FEZ2: variants seen among roughly 807,000 people sequenced by gnomAD.
The protein encoded by FEZ2 is fasciculation and elongation protein zeta 2, also known as fasciculation and elongation protein zeta-2.
Under a neutral mutation model 40.4 loss-of-function variants are expected in FEZ2, and 51 were observed. The observed-to-expected ratio is 1.26, with a 90% confidence interval of 1.01 to 1.59. The LOEUF is 1.59. Among genes scored for constraint, FEZ2 ranks in the 40% most tolerant of loss-of-function variants. FEZ2 has a pLI of 0.00. For synonymous variants in FEZ2, 242 were observed against 172.0 expected (o/e 1.41, Z -3.18); for missense variants, 640 against 438.3 (o/e 1.46, Z -4.11).
intron 1 of FEZ2, 167 bp from the exon 2 acceptor site, chr2:36,591,178 AC>A (rs144482238): frequency 0.026 from 15,365 of 599,816 alleles, 315 homozygotes; most frequent in South Asian, 0.074. Context: ...CTAAACAAAA[AC>A]GAGGTGAAAA....
intron 4 of FEZ2, among the ~76,000 whole-genome samples, chr2:36,580,733 T>G: frequency 6.6e-6 from 1 of 152,190 alleles, no homozygotes; most frequent in Non-Finnish European, 1.5e-5. Flanking sequence ...TCCCCAAAAT[T>G]CATGTGTTGA....
At chr2:36,554,554 T>TA (rs199946520) in intron 7 of FEZ2, among the ~76,000 whole-genome samples, 62 of 151,480 alleles carry the variant, frequency 4.1e-4, no homozygotes, top group African/African-American at 1.3e-3. Flanking sequence ...TGTCAGGTAT[T>TA]AAAAAAAAAA....
At chr2:36,597,841 G>A (rs922453255) in intron 1 of FEZ2, 36 bp downstream of exon 1, 70 of 1,318,510 alleles carry the variant, frequency 5.3e-5, no homozygotes, top group Non-Finnish European at 6.6e-5. Context: ...GGTAGGGGAG[G>A]CTCCCGCCCA....
chr2:36,577,826 T>G (rs879365503), intron 5 of FEZ2, among the ~76,000 whole-genome samples: 1 of 152,228 alleles, frequency 6.6e-6, no homozygotes, highest in South Asian at 2.1e-4. Context: ...ATAGCTAGTT[T>G]GTGATTTGTA....
At chr2:36,573,398 C>T (rs1165186211) in intron 5 of FEZ2, among the ~76,000 whole-genome samples, 1 of 152,216 alleles carries the variant, frequency 6.6e-6, no homozygotes, top group Non-Finnish European at 1.5e-5. Flanking sequence ...TTCTTGTATT[C>T]ATGAGAACTG....
Position 36,590,985 on chromosome 2 carries a change from T to C in FEZ2, c.293A>G (p.Tyr98Cys), listed in dbSNP as rs1669055907. ...CCAGTCTACAGGCATCACATTCCCA[T>C]AATTATCTGTCAGGGCATTCCAAAT... is the stretch of plus-strand genomic sequence containing the variant. ...DEIWNALTDN[Y>C]GNVMPVDWKS... Residue 98 changes from tyrosine to cysteine, a missense_variant, in exon 2 of 8, where the codon TAT becomes TGT. Physicochemically the swap from Tyr to Cys is radical, Grantham distance 194 (BLOSUM62 -2). Transcript: ENST00000405912. 6.2e-7 allele frequency: 1 copy of C among 1,610,658 alleles called. No homozygotes were observed. The highest frequency in any genetic ancestry group is 8.5e-7 in the Non-Finnish European group (1 of 1,176,814).
At chr2:36,585,333 CA>C (rs1668871563) in intron 2 of FEZ2, among the ~76,000 whole-genome samples, 1 of 151,968 alleles carries the variant, frequency 6.6e-6, no homozygotes, top group Admixed American at 6.6e-5. Flanking sequence ...AAAAAGCTAC[CA>C]GGAGGAAAAT....
In FEZ2 at chr2:36,552,734, T is replaced by A. The variant is rs1353522578; in HGVS notation, c.*429A>T. ...CAATACTGGTAGGTAATAGTTACAC[T>A]GACAATTCTCACAAAAAAACAGTGT... On this transcript the variant is annotated 3_prime_UTR_variant, in exon 8 of 8. Coordinates refer to ENST00000405912, the MANE Select transcript of FEZ2 (RefSeq NM_005102.3). The A allele has an allele frequency of 5.2e-6, 1 of 191,754 alleles. No homozygotes were observed. Among genetic ancestry groups the A allele is most frequent in the African/African-American group, 2.4e-5 (1 of 42,158 alleles). 11.9% of individuals were successfully genotyped at this position (191,754 alleles called of 1,614,324 possible).
rs747380385 is a variant in FEZ2, at chr2:36,590,924, A to G, written c.354T>C (p.Thr118=). ...SSHTRTLHLL[T]LNLSEKGVSD... is the part of the protein sequence containing the mutation. ...TTACCCCTTTTTCTGAGAGGTTCAGAGTAAGCAAGTGCAAGGTCCTAGTAT... is the reference window on the plus strand; with the variant it reads ...TTACCCCTTTTTCTGAGAGGTTCAGGGTAAGCAAGTGCAAGGTCCTAGTAT... Residue 118 remains threonine, a synonymous_variant, in exon 2 of 8, where the codon ACT becomes ACC. Transcript: ENST00000405912. 20 of 1,606,634 alleles carry G rather than the reference A, an allele frequency of 1.2e-5. No homozygotes were observed. The highest frequency in any genetic ancestry group is 1.7e-5 in the Admixed American group (1 of 60,002).
At chr2:36,566,848 T>G (rs1010609906) in intron 5 of FEZ2, among the ~76,000 whole-genome samples, 1 of 152,206 alleles carries the variant, frequency 6.6e-6, no homozygotes, top group Non-Finnish European at 1.5e-5. Flanking sequence ...CATATTAACT[T>G]TAAACGTCTT....
At chr2:36,570,865 C>T (rs1009245492) in intron 5 of FEZ2, among the ~76,000 whole-genome samples, 1 of 152,062 alleles carries the variant, frequency 6.6e-6, no homozygotes, top group Non-Finnish European at 1.5e-5. Flanking sequence ...CATGACTGAC[C>T]GAAATATCAC....
At chr2:36,567,078 G>T (rs1017531368) in intron 5 of FEZ2, among the ~76,000 whole-genome samples, 1 of 152,152 alleles carries the variant, frequency 6.6e-6, no homozygotes, top group Non-Finnish European at 1.5e-5. Flanking sequence ...ACTACATTCT[G>T]AAGGGAGAGA....
intron 7 of FEZ2, among the ~76,000 whole-genome samples, chr2:36,553,633 AT>A (rs1190012405): frequency 1.3e-5 from 2 of 152,182 alleles, no homozygotes; most frequent in South Asian, 2.1e-4. Flanking sequence ...CAGTGGGGTC[AT>A]TAGGCAGGTG....
At chr2:36,579,666 T>C (rs977003517) in intron 4 of FEZ2, among the ~76,000 whole-genome samples, 3 of 152,160 alleles carry the variant, frequency 2.0e-5, no homozygotes, top group Admixed American at 6.5e-5. Context: ...CCAGGCTTCC[T>C]GTATAGCCTG....
At chr2:36,569,065 A>G (rs1434229213) in intron 5 of FEZ2, among the ~76,000 whole-genome samples, 1 of 152,172 alleles carries the variant, frequency 6.6e-6, no homozygotes, top group Non-Finnish European at 1.5e-5. Context: ...ATTCCAATGC[A>G]TGCTGGTTCT....
At chr2:36,574,889 T>C (rs1304144305) in intron 5 of FEZ2, among the ~76,000 whole-genome samples, 1 of 152,126 alleles carries the variant, frequency 6.6e-6, no homozygotes, top group African/African-American at 2.4e-5. Context: ...CTCTCTTGAG[T>C]TGCACTTCCC....
intron 5 of FEZ2, among the ~76,000 whole-genome samples, chr2:36,571,971 C>T (rs1247423969): frequency 6.9e-5 from 10 of 144,362 alleles, no homozygotes; most frequent in East Asian, 6.0e-4. Flanking sequence ...GCCGAGATCG[C>T]GCCCCTGCAC....
chr2:36,593,310 C>T (rs1191496166), intron 1 of FEZ2, among the ~76,000 whole-genome samples: 2 of 152,050 alleles, frequency 1.3e-5, no homozygotes, highest in Non-Finnish European at 2.9e-5. Context: ...TTCTCACAAC[C>T]CCACTAGGCA....
At chr2:36,563,505 G>T (rs1345370626) in intron 5 of FEZ2, among the ~76,000 whole-genome samples, 1 of 144,606 alleles carries the variant, frequency 6.9e-6, no homozygotes, top group Admixed American at 7.0e-5. Flanking sequence ...AAATCAGAAG[G>T]TTCTACAGGA....
Sources: gnomAD v4.1 joint callset for allele counts (sites outside exome capture counted in the v4.1 genomes callset) on GRCh38, gnomAD v4.1.1 for gene constraint, MANE v1.5 for transcripts, NCBI Gene and HGNC (gene_info 2026-07-23, HGNC 2026-07-21) for gene names.